The following CDKAL1 variants were observed in gnomAD, a reference collection of about 807,000 sequenced individuals.
CDKAL1 encodes threonylcarbamoyladenosine tRNA methylthiotransferase.
In CDKAL1, 32 loss-of-function variants were observed where a neutral mutation model predicts 68.2. The ratio of observed to expected loss-of-function variants is 0.47; its 90% CI spans 0.35 to 0.63. The LOEUF is 0.63. Ranked by LOEUF, CDKAL1 falls within the 30% of genes least tolerant of loss-of-function variation. The pLI is 0.00. For missense variants in CDKAL1, 606 were observed against 696.7 expected, an observed-to-expected ratio of 0.87 and a Z score of 1.47; for synonymous variants, 234 against 244.3, an observed-to-expected ratio of 0.96 and a Z score of 0.39.
chr6:20,688,077 T>A (rs1315408760), intron 5 of CDKAL1, among the ~76,000 whole-genome samples: 2 of 152,132 alleles, frequency 1.3e-5, no homozygotes, highest in African/African-American at 4.8e-5. Context: ...CTAGCAGAAG[T>A]AAAATGTAAT....
At chr6:21,205,685 C>T (rs1477094128) in intron 15 of CDKAL1, among the ~76,000 whole-genome samples, 23 of 151,116 alleles carry the variant, frequency 1.5e-4, no homozygotes, top group Non-Finnish European at 2.5e-4. Context: ...AACCCGCCAC[C>T]ACGCCCAGCT....
chr6:20,850,661 CT>C (rs1295588306), intron 9 of CDKAL1, among the ~76,000 whole-genome samples: 3 of 152,040 alleles, frequency 2.0e-5, no homozygotes, highest in Non-Finnish European at 4.4e-5. Flanking sequence ...TGGTCTTGAA[CT>C]CCTGGCCTCA....
chr6:21,089,908 T>C (rs955870542), intron 12 of CDKAL1, among the ~76,000 whole-genome samples: 6 of 152,238 alleles, frequency 3.9e-5, no homozygotes, highest in South Asian at 2.1e-4. Flanking sequence ...TGGGAATGCA[T>C]AGCTACAACC....
intron 4 of CDKAL1, among the ~76,000 whole-genome samples, chr6:20,552,359 GC>G (rs2127659644): frequency 6.6e-6 from 1 of 151,154 alleles, no homozygotes; most frequent in African/African-American, 2.4e-5. Flanking sequence ...AAAAAAAAAG[GC>G]CCTGAGATAA....
In CDKAL1 at chr6:20,998,472, C is replaced by T. The variant is rs1348202822; in HGVS notation, c.910-1755C>T. Among the ~76,000 whole-genome samples, 7 of 152,028 alleles carry T rather than the reference C, an allele frequency of 4.6e-5. No individual in the cohort carries two copies. In the South Asian group the frequency reaches 8.3e-4, roughly 18 times the overall value. ...ACTAAAACCACAAAAATTAGCTGGGCGTGGTGGCACATGCCTGTAATCCCA... is the reference window on the plus strand; with the variant it reads ...ACTAAAACCACAAAAATTAGCTGGGTGTGGTGGCACATGCCTGTAATCCCA... On this transcript the variant is annotated intron_variant, in intron 10 of 15. Transcript: ENST00000274695.
chr6:20,682,670 T>C (rs552290748), intron 5 of CDKAL1, among the ~76,000 whole-genome samples: 3 of 152,224 alleles, frequency 2.0e-5, no homozygotes, highest in South Asian at 4.2e-4. Flanking sequence ...TGACATGAGA[T>C]TTTGGTGGGG....
At chr6:20,714,752 A>G (rs557025313) in intron 5 of CDKAL1, among the ~76,000 whole-genome samples, 1 of 151,964 alleles carries the variant, frequency 6.6e-6, no homozygotes, top group South Asian at 2.1e-4. Context: ...TAGAATTTTA[A>G]CTTAACTAAT....
intron 5 of CDKAL1, among the ~76,000 whole-genome samples, chr6:20,668,730 T>C (rs1182846734): frequency 6.6e-6 from 1 of 152,232 alleles, no homozygotes; most frequent in Non-Finnish European, 1.5e-5. Flanking sequence ...ACATTTTGTC[T>C]TTTTTCCAGT....
chr6:20,925,646 T>G (rs1763151257), intron 9 of CDKAL1, among the ~76,000 whole-genome samples: 1 of 152,208 alleles, frequency 6.6e-6, no homozygotes. Flanking sequence ...TAGTGCATTT[T>G]TTAAAAAGAC....
chr6:20,625,392 G>C (rs1275700477), intron 4 of CDKAL1, among the ~76,000 whole-genome samples: 1 of 152,104 alleles, frequency 6.6e-6, no homozygotes, highest in Admixed American at 6.6e-5. Flanking sequence ...GTGTTGGTTA[G>C]TTGAAGAAGA....
chr6:21,063,882 C>G (rs1359074110), intron 11 of CDKAL1, among the ~76,000 whole-genome samples: 3 of 152,002 alleles, frequency 2.0e-5, no homozygotes, highest in Non-Finnish European at 4.4e-5. Context: ...GAAATAATAT[C>G]AGAAAACTTC....
intron 9 of CDKAL1, among the ~76,000 whole-genome samples, chr6:20,937,112 A>C (rs1763758594): frequency 6.6e-6 from 1 of 152,036 alleles, no homozygotes; most frequent in African/African-American, 2.4e-5. Flanking sequence ...TTTTAAAGAC[A>C]GTGTTTCACT....
intron 5 of CDKAL1, among the ~76,000 whole-genome samples, chr6:20,665,359 C>A (rs1359859126): frequency 6.6e-6 from 1 of 152,046 alleles, no homozygotes; most frequent in East Asian, 1.9e-4. Flanking sequence ...TAATGCAATA[C>A]GTATTTCAAA....
chr6:21,100,011 A>G (rs951950765), intron 12 of CDKAL1, among the ~76,000 whole-genome samples: 4 of 152,308 alleles, frequency 2.6e-5, no homozygotes, highest in Admixed American at 1.3e-4. Flanking sequence ...ACATTTTATC[A>G]CACATCACTG....
At chr6:21,118,793 A>C (rs1774552408) in intron 13 of CDKAL1, among the ~76,000 whole-genome samples, 1 of 152,204 alleles carries the variant, frequency 6.6e-6, no homozygotes, top group South Asian at 2.1e-4. Flanking sequence ...ATAAAAATAA[A>C]GGAATTTTAA....
rs556547280 is a variant in CDKAL1, at chr6:20,631,747, C to A, written c.287-17546C>A. 2.4e-4 allele frequency among the ~76,000 whole-genome samples: 37 copies of A among 152,188 alleles called. 1 individual carries two copies. The South Asian group carries it at 7.3e-3, about 30-fold the overall frequency. ...CTCTGAGTCAGCCCTTCCGGATGAA[C>A]CAGTCAGATGTTACAGGACATGTCT... On this transcript the variant is annotated intron_variant, in intron 4 of 15. Coordinates refer to ENST00000274695, the MANE Select transcript of CDKAL1 (RefSeq NM_017774.3).
chr6:20,540,305 C>G (rs1014810843), intron 2 of CDKAL1, among the ~76,000 whole-genome samples: 6 of 151,724 alleles, frequency 4.0e-5, no homozygotes, highest in African/African-American at 1.5e-4. Flanking sequence ...GAACTCCTGA[C>G]CTTGTGATTC....
At chr6:21,090,888 C>T (rs577777642) in intron 12 of CDKAL1, among the ~76,000 whole-genome samples, 126 of 151,274 alleles carry the variant, frequency 8.3e-4, no homozygotes, top group African/African-American at 3.0e-3. Flanking sequence ...TCACTGCAGC[C>T]TCAACCTCCT....
At chr6:20,830,824 G>T (rs1163978537) in intron 8 of CDKAL1, among the ~76,000 whole-genome samples, 2 of 152,186 alleles carry the variant, frequency 1.3e-5, no homozygotes, top group African/African-American at 4.8e-5. Flanking sequence ...TTCAGAAAAT[G>T]TGGGTTTTGC....
Sources: gnomAD v4.1 joint callset for allele counts (sites outside exome capture counted in the v4.1 genomes callset) on GRCh38, gnomAD v4.1.1 for gene constraint, MANE v1.5 for transcripts, NCBI Gene and HGNC (gene_info 2026-07-23, HGNC 2026-07-21) for gene names.